RASGRP3: variants seen among roughly 807,000 people sequenced by gnomAD.
The protein encoded by RASGRP3 is RAS guanyl releasing protein 3.
In RASGRP3, 54 loss-of-function variants were observed where a neutral mutation model predicts 82.7. The observed-to-expected ratio is 0.65, with a 90% CI of 0.52 to 0.82. RASGRP3 has a LOEUF of 0.82. Ranked by LOEUF, RASGRP3 falls within the 40% of genes least tolerant of loss-of-function variation. The pLI, the probability that RASGRP3 is intolerant of heterozygous loss-of-function variation, is 0.00. For missense variants in RASGRP3, 861 were observed against 828.9 expected (o/e 1.04, Z -0.48); for synonymous variants, 309 against 300.5 (o/e 1.03, Z -0.29).
intron 9 of RASGRP3, among the ~76,000 whole-genome samples, chr2:33,525,259 T>C (rs2151031602): frequency 1.3e-5 from 2 of 152,128 alleles, no homozygotes; most frequent in South Asian, 2.1e-4. Flanking sequence ...TTCATAACAC[T>C]GTGTTGGGCA....
rs1168408937 is a variant in RASGRP3 at position 33,562,710 on chromosome 2, G to A, written c.2065-19G>A. ...TATATGAGATCCAGCCATGCAATAG[G>A]TTCCAATTTGTGTTTCAGGATGGCT... is the stretch of plus-strand genomic sequence containing the variant. On this transcript the variant is annotated intron_variant, in intron 17 of 17. Transcript: ENST00000403687. 1.2e-6 allele frequency: 2 copies of A among 1,612,874 alleles called. No individual in the cohort carries two copies. Among genetic ancestry groups the A allele is most frequent in the East Asian group, 4.5e-5 (2 of 44,894 alleles).
intron 1 of RASGRP3, among the ~76,000 whole-genome samples, chr2:33,489,191 C>G (rs1668642448): frequency 6.6e-6 from 1 of 152,158 alleles, no homozygotes; most frequent in Non-Finnish European, 1.5e-5. Context: ...ATTATCCAAC[C>G]AAATATGTCA....
intron 1 of RASGRP3, among the ~76,000 whole-genome samples, chr2:33,495,997 T>G (rs1669271681): frequency 6.6e-6 from 1 of 152,196 alleles, no homozygotes; most frequent in Non-Finnish European, 1.5e-5. Context: ...GAAAACTGGA[T>G]TTTTAAAGTA....
rs553001602 is a variant in RASGRP3 at position 33,517,997 on chromosome 2, C to T, written c.173+1353C>T. 2.4e-4 allele frequency among the ~76,000 whole-genome samples: 36 copies of T among 152,148 alleles called. 2 individuals carry two copies. The South Asian group carries it at 3.3e-3, about 14-fold the overall frequency. ...TTGTTAAAAAGAATATGAATAAATA[C>T]GCTTACAAGTAAATAACACAACTTG... On this transcript the variant is annotated intron_variant, in intron 4 of 17. Transcript: ENST00000403687.
chr2:33,514,877 C>T, intron 2 of RASGRP3, 133 bp from the exon 3 acceptor site: 1 of 454,722 alleles, frequency 2.2e-6, no homozygotes. Flanking sequence ...GATGTAATCT[C>T]AGTCACTATG....
intron 10 of RASGRP3, 77 bp from the exon 11 acceptor site, chr2:33,534,246 C>A: frequency 2.9e-6 from 3 of 1,025,800 alleles, no homozygotes; most frequent in Non-Finnish European, 4.5e-6. Context: ...AAACATTCAA[C>A]TTGAAAAAAA....
intron 1 of RASGRP3, chr2:33,481,594 G>C (rs1275675216): frequency 1.3e-5 from 2 of 152,192 alleles, no homozygotes; most frequent in African/African-American, 4.8e-5. Context: ...AAGAGTGACT[G>C]GATAACCGAT....
intron 13 of RASGRP3, among the ~76,000 whole-genome samples, chr2:33,548,284 C>A (rs1675006179): frequency 7.0e-6 from 1 of 143,010 alleles, no homozygotes; most frequent in Admixed American, 7.7e-5. Flanking sequence ...TGGCGTGAAC[C>A]TGGGAGGCGG....
At chr2:33,561,365 C>T (rs929897428) in intron 17 of RASGRP3, among the ~76,000 whole-genome samples, 1 of 152,190 alleles carries the variant, frequency 6.6e-6, no homozygotes, top group Non-Finnish European at 1.5e-5. Context: ...TCGCGCCCAG[C>T]TGTGTTTTTA....
rs1489259841 is a variant in RASGRP3 at position 33,540,039 on chromosome 2, G to A, written c.1278+829G>A. The A allele has an allele frequency of 2.0e-5, 3 of 152,104 alleles. No homozygotes were observed. In the East Asian group the frequency reaches 5.8e-4, roughly 29 times the overall value. The allele number at this position is 152,104 out of a possible 1,614,324, so 9.4% of individuals were successfully genotyped here. On this transcript the variant is annotated intron_variant, in intron 12 of 17. Coordinates refer to ENST00000403687, the MANE Select transcript of RASGRP3 (RefSeq NM_001139488.2). ...AAGAAAAAAGAGTAGAAGTGCCGATGGGGGAACACGGAAACATCTCGGGTA... is the reference window on the plus strand; with the variant it reads ...AAGAAAAAAGAGTAGAAGTGCCGATAGGGGAACACGGAAACATCTCGGGTA...
rs1663577596 is a variant in RASGRP3 at position 33,542,550 on chromosome 2, C to T, written c.1279-962C>T. 1.4e-5 allele frequency among the ~76,000 whole-genome samples: 2 copies of T among 147,210 alleles called. 1 individual carries two copies. Among genetic ancestry groups the T allele is most frequent in the African/African-American group, 4.9e-5 (2 of 41,104 alleles). ...ACCTTAAAACTTTATTTTCTATTGT[C>T]ATGGTATTTGAATTTGTAAATTCAC... On this transcript the variant is annotated intron_variant, in intron 12 of 17. Coordinates refer to ENST00000403687, the MANE Select transcript of RASGRP3 (RefSeq NM_001139488.2).
At chr2:33,493,506 GT>G (rs1206406849) in intron 1 of RASGRP3, among the ~76,000 whole-genome samples, 1 of 152,150 alleles carries the variant, frequency 6.6e-6, no homozygotes, top group Non-Finnish European at 1.5e-5. Flanking sequence ...AGCAAAATCT[GT>G]GGGATTCAAT....
chr2:33,506,707 A>C (rs1312396614), intron 1 of RASGRP3, among the ~76,000 whole-genome samples: 1 of 152,212 alleles, frequency 6.6e-6, no homozygotes, highest in East Asian at 1.9e-4. Flanking sequence ...AGAAGGACAA[A>C]AAATTTCTTT....
chr2:33,479,459 T>C (rs888395362), intron 1 of RASGRP3, among the ~76,000 whole-genome samples: 2 of 152,126 alleles, frequency 1.3e-5, no homozygotes, highest in African/African-American at 4.8e-5. Flanking sequence ...TTGATAAAGC[T>C]ATTATCAGAC....
chr2:33,440,920 T>C (rs973776426), intron 1 of RASGRP3, among the ~76,000 whole-genome samples: 1 of 152,062 alleles, frequency 6.6e-6, no homozygotes, highest in Non-Finnish European at 1.5e-5. Context: ...CAAGACAAGG[T>C]CCCCCTCTAT....
At chr2:33,533,072 G>A (rs1229700066) in intron 10 of RASGRP3, 1 of 152,148 alleles carries the variant, frequency 6.6e-6, no homozygotes, top group Non-Finnish European at 1.5e-5. Context: ...ATTCCTACAT[G>A]GTCAAAGAAG....
At position 33,480,726 on chromosome 2, in the gene RASGRP3, T is replaced by G. The variant is rs531249442; in HGVS notation, c.-261+4019T>G. Among the ~76,000 whole-genome samples, 25 of 152,336 alleles carry G rather than the reference T, an allele frequency of 1.6e-4. No individual in the cohort carries two copies. In the South Asian group the frequency reaches 5.2e-3, roughly 32 times the overall value. ...ACATCTGCTTCCAAAAAGTTAACTT[T>G]CCTGGATCCTCCTTTCCCTTGGTAT... On this transcript the variant is annotated intron_variant, in intron 1 of 17. Coordinates refer to ENST00000403687, the MANE Select transcript of RASGRP3 (RefSeq NM_001139488.2).
intron 1 of RASGRP3, among the ~76,000 whole-genome samples, chr2:33,480,934 C>T (rs573755861): frequency 2.6e-5 from 4 of 152,150 alleles, no homozygotes; most frequent in Admixed American, 2.6e-4. Context: ...AGAAGTCGAA[C>T]CCCTGCATTT....
intron 2 of RASGRP3, among the ~76,000 whole-genome samples, chr2:33,455,938 A>C (rs964629662): frequency 6.6e-6 from 1 of 152,190 alleles, no homozygotes; most frequent in Admixed American, 6.5e-5. Context: ...CATTTTCAAT[A>C]AACCAGCTGG....
Sources: allele counts gnomAD v4.1 joint callset (sites outside exome capture counted in the v4.1 genomes callset), GRCh38; gene constraint gnomAD v4.1.1; transcripts MANE v1.5; gene names NCBI Gene and HGNC (gene_info 2026-07-23, HGNC 2026-07-21).